The following MPP7 variants were observed in gnomAD, a reference collection of about 807,000 sequenced individuals.
MPP7 encodes the protein MAGUK p55 scaffold protein 7.
Under a neutral mutation model 76.5 loss-of-function variants are expected in MPP7, and 60 were observed. The observed-to-expected ratio is 0.78, with a 90% CI of 0.64 to 0.97. MPP7 has a LOEUF of 0.97. MPP7 is among the 50% of genes least tolerant of loss of function. The pLI, the probability that MPP7 is intolerant of heterozygous loss-of-function variation, is 0.00. For missense variants in MPP7, 641 were observed against 694.0 expected, an observed-to-expected ratio of 0.92 and a Z score of 0.86; for synonymous variants, 237 against 244.5, an observed-to-expected ratio of 0.97 and a Z score of 0.29.
chr10:28,242,598 G>A (rs1303581194), intron 1 of MPP7, among the ~76,000 whole-genome samples: 2 of 152,160 alleles, frequency 1.3e-5, no homozygotes, highest in African/African-American at 4.8e-5. Flanking sequence ...GTGGTCTCCA[G>A]GACCCTTCCA....
At chr10:28,114,321 A>G (rs558613202) in intron 11 of MPP7, among the ~76,000 whole-genome samples, 1 of 152,288 alleles carries the variant, frequency 6.6e-6, no homozygotes, top group Non-Finnish European at 1.5e-5. Flanking sequence ...CTGAGACAAG[A>G]GGATCACTTG....
chr10:28,164,942 AT>A (rs1180087230), intron 3 of MPP7, among the ~76,000 whole-genome samples: 3 of 152,206 alleles, frequency 2.0e-5, no homozygotes, highest in African/African-American at 7.2e-5. Context: ...CTACATTTGT[AT>A]CCCCTAAACC....
intron 12 of MPP7, among the ~76,000 whole-genome samples, chr10:28,081,586 A>T (rs563438357): frequency 6.6e-6 from 1 of 152,192 alleles, no homozygotes; most frequent in Non-Finnish European, 1.5e-5. Context: ...TATTTTTGCC[A>T]TGGTAACAAC....
intron 2 of MPP7, among the ~76,000 whole-genome samples, chr10:28,212,029 T>C (rs962039063): frequency 2.0e-5 from 3 of 152,048 alleles, no homozygotes; most frequent in African/African-American, 2.4e-5. Flanking sequence ...AGGAGGATCA[T>C]GTGAGCCCAG....
At chr10:28,092,822 C>T (rs900516784) in intron 11 of MPP7, among the ~76,000 whole-genome samples, 6 of 144,156 alleles carry the variant, frequency 4.2e-5, no homozygotes, top group African/African-American at 1.3e-4. Context: ...AAAAATGATC[C>T]GCCCACCTCA....
intron 2 of MPP7, among the ~76,000 whole-genome samples, chr10:28,324,522 G>A (rs1339992706): frequency 6.6e-6 from 1 of 152,170 alleles, no homozygotes; most frequent in African/African-American, 2.4e-5. Context: ...GGCCCTTTCT[G>A]CAATTTAGTG....
At chr10:28,189,599 A>G (rs957438351) in intron 3 of MPP7, among the ~76,000 whole-genome samples, 4 of 128,464 alleles carry the variant, frequency 3.1e-5, no homozygotes, top group Non-Finnish European at 6.7e-5. Context: ...AAAAAAAAAA[A>G]CCTGTATTTG....
chr10:28,226,208 G>A (rs1838684031), intron 2 of MPP7, among the ~76,000 whole-genome samples: 1 of 151,934 alleles, frequency 6.6e-6, no homozygotes, highest in South Asian at 2.1e-4. Flanking sequence ...GAGACAGAAA[G>A]TAGAATGGTG....
intron 11 of MPP7, among the ~76,000 whole-genome samples, chr10:28,114,630 G>A (rs959833513): frequency 6.6e-6 from 1 of 152,050 alleles, no homozygotes; most frequent in East Asian, 1.9e-4. Flanking sequence ...ATTCACATGG[G>A]CAAGGTTAAA....
At chr10:28,182,674 T>C (rs1226723594) in intron 3 of MPP7, among the ~76,000 whole-genome samples, 1 of 152,238 alleles carries the variant, frequency 6.6e-6, no homozygotes, top group Non-Finnish European at 1.5e-5. Flanking sequence ...TGAGAATAGA[T>C]GATTTGTTAT....
At chr10:28,125,752 T>C (rs1049572168) in intron 6 of MPP7, among the ~76,000 whole-genome samples, 1 of 152,176 alleles carries the variant, frequency 6.6e-6, no homozygotes, top group Admixed American at 6.5e-5. Context: ...TGAACTAGGA[T>C]TGTAACTAGT....
intron 8 of MPP7, among the ~76,000 whole-genome samples, chr10:28,121,868 C>T (rs1834853617): frequency 6.6e-6 from 1 of 151,120 alleles, no homozygotes; most frequent in South Asian, 2.1e-4. Context: ...GGTATAAATA[C>T]TTTCACTATA....
intron 11 of MPP7, among the ~76,000 whole-genome samples, chr10:28,113,612 G>C (rs1183176842): frequency 6.6e-6 from 1 of 152,212 alleles, no homozygotes; most frequent in Admixed American, 6.5e-5. Flanking sequence ...CCACCAGAAA[G>C]AAGTATCCCA....
chr10:28,290,946 T>A (rs568145050), intron 1 of MPP7, among the ~76,000 whole-genome samples: 17 of 152,362 alleles, frequency 1.1e-4, no homozygotes, highest in African/African-American at 3.6e-4. Flanking sequence ...TATAGAGTTG[T>A]ACATGAAAAT....
At chr10:28,314,261 A>C (rs1841306657) in intron 2 of MPP7, among the ~76,000 whole-genome samples, 2 of 152,228 alleles carry the variant, frequency 1.3e-5, no homozygotes, top group Non-Finnish European at 2.9e-5. Flanking sequence ...TGTTTAGGCC[A>C]AAATCCATAG....
chr10:28,109,290 AAAC>A (rs913501125), intron 11 of MPP7, among the ~76,000 whole-genome samples: 31 of 152,196 alleles, frequency 2.0e-4, no homozygotes, highest in African/African-American at 5.1e-4. Context: ...TCCATCTCAA[AAAC>A]AACAACAACA....
chr10:28,144,109 G>A (rs563267101), intron 5 of MPP7, among the ~76,000 whole-genome samples: 5 of 152,160 alleles, frequency 3.3e-5, no homozygotes, highest in Admixed American at 6.5e-5. Flanking sequence ...GGCTGGTCTC[G>A]AACTCCTGAC....
intron 8 of MPP7, among the ~76,000 whole-genome samples, chr10:28,123,409 G>T (rs1834904444): frequency 6.6e-6 from 1 of 150,850 alleles, no homozygotes; most frequent in South Asian, 2.1e-4. Flanking sequence ...ACCAGCCACA[G>T]TGTAGATGCC....
upstream of MPP7, among the ~76,000 whole-genome samples, chr10:28,304,373 A>G (rs1251687599): frequency 6.6e-6 from 1 of 152,220 alleles, no homozygotes; most frequent in Non-Finnish European, 1.5e-5. Context: ...GAATTACGTA[A>G]TAGTGAAAAA....
Sources: allele counts gnomAD v4.1 joint callset (sites outside exome capture counted in the v4.1 genomes callset), GRCh38; gene constraint gnomAD v4.1.1; transcripts MANE v1.5; gene names NCBI Gene and HGNC (gene_info 2026-07-23, HGNC 2026-07-21).